Variants in FRMD5 observed in about 807,000 individuals in gnomAD.
The protein encoded by FRMD5 is FERM domain-containing protein 5.
In FRMD5, 20 loss-of-function variants were observed where a neutral mutation model predicts 69.0. The observed-to-expected ratio is 0.29, with a 90% CI of 0.20 to 0.42. The LOEUF (loss-of-function observed/expected upper bound fraction) is 0.42. FRMD5 is among the 10% of genes least tolerant of loss of function. The pLI is 1.00. For missense variants in FRMD5, 595 were observed against 708.6 expected (o/e 0.84, Z 1.82); for synonymous variants, 271 against 260.1 (o/e 1.04, Z -0.40).
chr15:43,950,577 T>C (rs2090011202), intron 1 of FRMD5, among the ~76,000 whole-genome samples: 1 of 152,214 alleles, frequency 6.6e-6, no homozygotes, highest in African/African-American at 2.4e-5. Context: ...TGAGCCTCTC[T>C]TAACCTCAGT....
upstream of FRMD5, among the ~76,000 whole-genome samples, chr15:44,197,310 T>G (rs147936663): frequency 1.7e-3 from 266 of 152,298 alleles, 1 homozygote; most frequent in African/African-American, 6.3e-3. Context: ...CAGGAAGATC[T>G]TGGAGACAAG....
chr15:44,021,377 G>C (rs2140252057), intron 1 of FRMD5, among the ~76,000 whole-genome samples: 1 of 152,170 alleles, frequency 6.6e-6, no homozygotes, highest in East Asian at 1.9e-4. Flanking sequence ...ACTCAGCATG[G>C]GAGGAAATAT....
At chr15:44,096,402 T>TC (rs2140504905) in intron 1 of FRMD5, among the ~76,000 whole-genome samples, 1 of 146,102 alleles carries the variant, frequency 6.8e-6, no homozygotes, top group East Asian at 2.0e-4. Context: ...GTACGGTGTA[T>TC]CTTTTTTTTT....
intron 1 of FRMD5, among the ~76,000 whole-genome samples, chr15:44,103,605 G>A (rs1183424553): frequency 6.6e-6 from 1 of 152,148 alleles, no homozygotes; most frequent in African/African-American, 2.4e-5. Flanking sequence ...ATAAGGTTGT[G>A]CGACCTTTGC....
chr15:44,029,040 A>G (rs765762730), intron 1 of FRMD5, among the ~76,000 whole-genome samples: 1 of 152,232 alleles, frequency 6.6e-6, no homozygotes, highest in Non-Finnish European at 1.5e-5. Flanking sequence ...AGTGCCTGAC[A>G]TAAGTAGGTA....
intron 1 of FRMD5, among the ~76,000 whole-genome samples, chr15:44,137,027 G>A (rs1018214308): frequency 1.3e-5 from 2 of 152,122 alleles, no homozygotes; most frequent in African/African-American, 2.4e-5. Context: ...ATTTTAAACA[G>A]GATCAGATTT....
At chr15:44,115,819 G>A (rs927823496) in intron 1 of FRMD5, among the ~76,000 whole-genome samples, 1 of 152,194 alleles carries the variant, frequency 6.6e-6, no homozygotes, top group African/African-American at 2.4e-5. Context: ...TACAAAGGTA[G>A]GTGCAGTTTC....
intron 1 of FRMD5, among the ~76,000 whole-genome samples, chr15:44,132,189 G>A (rs768006016): frequency 3.9e-5 from 6 of 152,136 alleles, no homozygotes; most frequent in Admixed American, 2.0e-4. Flanking sequence ...GACAGGAGGC[G>A]GAGCTCAGGC....
intron 1 of FRMD5, among the ~76,000 whole-genome samples, chr15:44,186,528 A>G (rs1050897979): frequency 6.6e-6 from 1 of 152,218 alleles, no homozygotes; most frequent in African/African-American, 2.4e-5. Flanking sequence ...TTCCTGCTAC[A>G]AGTTCACTGA....
chr15:44,172,504 TA>T (rs1161655472), intron 1 of FRMD5, among the ~76,000 whole-genome samples: 1 of 152,296 alleles, frequency 6.6e-6, no homozygotes, highest in Admixed American at 6.5e-5. Flanking sequence ...AGGCAAATTA[TA>T]AACACATCAG....
chr15:44,194,579 C>G, intron 1 of FRMD5: 1 of 331,130 alleles, frequency 3.0e-6, no homozygotes, highest in Non-Finnish European at 5.6e-6. Flanking sequence ...AGCCTGCGCC[C>G]CCGACGGGGC....
At chr15:44,007,066 C>G (rs185085796) in intron 1 of FRMD5, among the ~76,000 whole-genome samples, 2 of 152,302 alleles carry the variant, frequency 1.3e-5, no homozygotes, top group South Asian at 2.1e-4. Flanking sequence ...TCACAGCCAC[C>G]TTCAGCAGCC....
At chr15:44,053,175 A>C (rs550202364) in intron 1 of FRMD5, among the ~76,000 whole-genome samples, 17 of 152,286 alleles carry the variant, frequency 1.1e-4, no homozygotes, top group Non-Finnish European at 2.1e-4. Context: ...GGAAGGCAAA[A>C]GTTTGCAGCA....
At chr15:44,182,213 G>C (rs558677575) in intron 1 of FRMD5, among the ~76,000 whole-genome samples, 1 of 151,156 alleles carries the variant, frequency 6.6e-6, no homozygotes, top group South Asian at 2.1e-4. Flanking sequence ...GTTTCATCTT[G>C]TTGGCCAGGC....
intron 1 of FRMD5, among the ~76,000 whole-genome samples, chr15:44,047,316 GGGAGGGGAGAGGAGGGGAAA>G (rs1892470695): frequency 6.6e-6 from 1 of 151,832 alleles, no homozygotes; most frequent in Non-Finnish European, 1.5e-5. Context: ...CAAAAAAGAG[GGGAGGGGAGAGGAGGGGAAA>G]GGAGGGGAGA....
intron 1 of FRMD5, among the ~76,000 whole-genome samples, chr15:44,110,684 C>T (rs1470969609): frequency 6.6e-6 from 1 of 152,188 alleles, no homozygotes; most frequent in East Asian, 1.9e-4. Context: ...TTTCACCGTT[C>T]TAGCTACTGC....
intron 1 of FRMD5, among the ~76,000 whole-genome samples, chr15:44,044,369 CTCTAGTA>C (rs1241237181): frequency 6.6e-6 from 1 of 152,198 alleles, no homozygotes; most frequent in African/African-American, 2.4e-5. Context: ...GTGGCGACTC[CTCTAGTA>C]TCTAGAACTA....
At chr15:44,009,860 C>T (rs1890633796) in intron 1 of FRMD5, among the ~76,000 whole-genome samples, 2 of 152,108 alleles carry the variant, frequency 1.3e-5, no homozygotes. Context: ...CCCTGTTTGG[C>T]TGTCCAACTC....
chr15:43,995,979 G>A (rs375868447), intron 1 of FRMD5, among the ~76,000 whole-genome samples: 7 of 151,918 alleles, frequency 4.6e-5, no homozygotes, highest in African/African-American at 1.7e-4. Context: ...GGGCTGCAGA[G>A]GCTCCCCTAC....
Sources: gnomAD v4.1 joint callset for allele counts (sites outside exome capture counted in the v4.1 genomes callset) on GRCh38, gnomAD v4.1.1 for gene constraint, MANE v1.5 for transcripts, NCBI Gene and HGNC (gene_info 2026-07-23, HGNC 2026-07-21) for gene names.